Variants in WWOX observed in about 807,000 individuals in gnomAD.
WWOX encodes the protein WW domain containing oxidoreductase, also known as WW domain-containing oxidoreductase.
A neutral mutation model predicts 46.2 loss-of-function variants in WWOX; 69 were observed. The observed-to-expected ratio is 1.49, with a 90% CI of 1.23 to 1.82. The LOEUF (loss-of-function observed/expected upper bound fraction) is 1.82. Among genes scored for constraint, WWOX ranks in the 40% most tolerant of loss-of-function variants. The probability of loss-of-function intolerance (pLI) is 0.00; values close to 1 mark genes in which losing one functional copy is unlikely to be tolerated. For missense variants in WWOX, 919 were observed against 542.6 expected, an observed-to-expected ratio of 1.69 and a Z score of -6.89; for synonymous variants, 359 against 202.6, an observed-to-expected ratio of 1.77 and a Z score of -6.56.
At position 78,142,426 on chromosome 16, in the gene WWOX, G is replaced by A. The variant is rs566850840; in HGVS notation, c.410-21757G>A. On this transcript the variant is annotated intron_variant, in intron 4 of 8. Transcript: ENST00000566780. ...AAAACATTTGTAAAAACATTATCAA[G>A]CTGCAAAAGAACTAGAAATGCTAGA... Among the ~76,000 whole-genome samples the A allele has an allele frequency of 4.6e-5, 7 of 152,268 alleles. No individual in the cohort carries two copies. In the East Asian group the frequency reaches 1.4e-3, roughly 29 times the overall value.
intron 8 of WWOX, among the ~76,000 whole-genome samples, chr16:78,848,925 C>G (rs2052368626): frequency 6.6e-6 from 1 of 151,778 alleles, no homozygotes; most frequent in African/African-American, 2.4e-5. Context: ...GCTTCTTTTT[C>G]TGCTGGTTGT....
chr16:78,918,957 T>C (rs2045314143), intron 8 of WWOX, among the ~76,000 whole-genome samples: 1 of 152,136 alleles, frequency 6.6e-6, no homozygotes, highest in African/African-American at 2.4e-5. Flanking sequence ...AGTACCTTTC[T>C]GATTGGACCC....
At chr16:78,382,337 C>T (rs1252704251) in intron 5 of WWOX, among the ~76,000 whole-genome samples, 4 of 152,232 alleles carry the variant, frequency 2.6e-5, no homozygotes, top group Non-Finnish European at 5.9e-5. Flanking sequence ...TAACTCACCA[C>T]ATTGCCTTCC....
At chr16:78,861,315 T>C (rs2043880730) in intron 8 of WWOX, among the ~76,000 whole-genome samples, 1 of 152,218 alleles carries the variant, frequency 6.6e-6, no homozygotes, top group Non-Finnish European at 1.5e-5. Flanking sequence ...CATCCACCTA[T>C]CCACCTATTA....
chr16:79,162,302 T>A (rs2050502016), intron 8 of WWOX, among the ~76,000 whole-genome samples: 1 of 152,210 alleles, frequency 6.6e-6, no homozygotes, highest in Non-Finnish European at 1.5e-5. Context: ...AGGCGGAATT[T>A]ACTTCTTCAA....
At chr16:78,645,868 G>T (rs1430859421) in intron 8 of WWOX, among the ~76,000 whole-genome samples, 2 of 152,104 alleles carry the variant, frequency 1.3e-5, no homozygotes, top group Admixed American at 1.3e-4. Context: ...GGGAGAATTT[G>T]TTCTGACTTT....
At chr16:78,924,999 A>G (rs548766064) in intron 8 of WWOX, among the ~76,000 whole-genome samples, 2 of 152,302 alleles carry the variant, frequency 1.3e-5, no homozygotes, top group African/African-American at 4.8e-5. Flanking sequence ...GTTCAAGACC[A>G]GCCTGGGCAA....
At chr16:79,201,017 G>A (rs1449388316) in intron 8 of WWOX, among the ~76,000 whole-genome samples, 2 of 152,150 alleles carry the variant, frequency 1.3e-5, no homozygotes, top group Non-Finnish European at 2.9e-5. Context: ...CCCAGGAAAT[G>A]GCCAAATGTT....
intron 8 of WWOX, among the ~76,000 whole-genome samples, chr16:78,748,847 T>G (rs2049411422): frequency 1.3e-5 from 2 of 152,240 alleles, no homozygotes; most frequent in Non-Finnish European, 2.9e-5. Context: ...CCATATATCT[T>G]AAGTAGGAAG....
intron 8 of WWOX, among the ~76,000 whole-genome samples, chr16:78,787,942 T>A (rs1244323762): frequency 6.6e-6 from 1 of 152,346 alleles, no homozygotes; most frequent in East Asian, 1.9e-4. Context: ...TGTATCTTTT[T>A]TAAAATAGAA....
intron 8 of WWOX, among the ~76,000 whole-genome samples, chr16:78,622,246 A>G (rs926991619): frequency 6.6e-6 from 1 of 152,090 alleles, no homozygotes; most frequent in Non-Finnish European, 1.5e-5. Flanking sequence ...TACTCTGATA[A>G]AAGTGAACCC....
chr16:78,251,035 T>C (rs1009227810), intron 5 of WWOX, among the ~76,000 whole-genome samples: 1 of 152,156 alleles, frequency 6.6e-6, no homozygotes, highest in African/African-American at 2.4e-5. Flanking sequence ...TTCAGGTGCA[T>C]CTCCCACACA....
intron 8 of WWOX, among the ~76,000 whole-genome samples, chr16:79,128,973 G>A (rs955210096): frequency 6.6e-5 from 10 of 152,170 alleles, no homozygotes; most frequent in East Asian, 3.9e-4. Flanking sequence ...GGGGCCAAGC[G>A]TCCCTTCTCT....
chr16:78,136,332 T>C (rs558393202), intron 4 of WWOX, among the ~76,000 whole-genome samples: 13 of 152,244 alleles, frequency 8.5e-5, no homozygotes, highest in Non-Finnish European at 1.8e-4. Context: ...AAAATAGTAT[T>C]TGCTTGTAAT....
intron 8 of WWOX, among the ~76,000 whole-genome samples, chr16:78,459,520 A>G (rs1360819345): frequency 5.3e-5 from 8 of 152,102 alleles, no homozygotes; most frequent in Admixed American, 2.0e-4. Context: ...GCTTTGCTTC[A>G]TGTTTTCCTT....
intron 8 of WWOX, among the ~76,000 whole-genome samples, chr16:78,654,031 A>C (rs147996753): frequency 2.3e-3 from 356 of 152,316 alleles, no homozygotes; most frequent in Non-Finnish European, 3.9e-3. Context: ...GGGAACCCCA[A>C]CTATTGCAGA....
intron 8 of WWOX, among the ~76,000 whole-genome samples, chr16:78,739,323 C>T (rs569040623): frequency 6.6e-6 from 1 of 152,160 alleles, no homozygotes; most frequent in East Asian, 1.9e-4. Context: ...GGTGCCCAGA[C>T]GTTCCCAACA....
chr16:78,387,583 G>A (rs927007708), intron 6 of WWOX, among the ~76,000 whole-genome samples: 3 of 151,980 alleles, frequency 2.0e-5, no homozygotes, highest in Admixed American at 6.6e-5. Context: ...GGAGAGAAGC[G>A]GAAGGGGGTG....
chr16:78,363,424 C>T lies in WWOX; in HGVS notation c.517-23436C>T, dbSNP rs2081456869. ...AAGTAGCTGGGACCACAGGTGCACA[C>T]CACCACTTCCAGCTGATTATTTAAA... On this transcript the variant is annotated intron_variant, in intron 5 of 8. Transcript: ENST00000566780. Among the ~76,000 whole-genome samples the T allele has an allele frequency of 3.0e-5, 4 of 132,792 alleles. No individual in the cohort carries two copies. The Admixed American group carries it at 3.0e-4, about 10-fold the overall frequency. The allele number at this position is 132,792 out of a possible 152,430, so 87.1% of individuals were successfully genotyped here.
Sources: allele counts gnomAD v4.1 joint callset (sites outside exome capture counted in the v4.1 genomes callset), GRCh38; gene constraint gnomAD v4.1.1; transcripts MANE v1.5; gene names NCBI Gene and HGNC (gene_info 2026-07-23, HGNC 2026-07-21).